PBX3: variants seen among roughly 807,000 people sequenced by gnomAD.
PBX3 encodes the protein PBX homeobox 3, also known as pre-B-cell leukemia transcription factor 3.
Under a neutral mutation model 48.5 loss-of-function variants are expected in PBX3, and 14 were observed. The observed-to-expected ratio is 0.29, with a 90% CI of 0.19 to 0.45. The LOEUF (loss-of-function observed/expected upper bound fraction) is 0.45, where lower values mean the gene tolerates loss of function less well. Ranked by LOEUF, PBX3 falls within the 20% of genes least tolerant of loss-of-function variation. The probability of loss-of-function intolerance (pLI) is 1.00; values close to 1 mark genes in which losing one functional copy is unlikely to be tolerated. For synonymous variants in PBX3, 210 were observed against 200.3 expected (o/e 1.05, Z -0.41); for missense variants, 386 against 546.7 (o/e 0.71, Z 2.93).
intron 2 of PBX3, among the ~76,000 whole-genome samples, chr9:125,778,063 C>T (rs1413656625): frequency 3.3e-5 from 5 of 150,734 alleles, no homozygotes; most frequent in Admixed American, 1.3e-4. Flanking sequence ...CAGGTTAAAG[C>T]GATTCTCCTG....
intron 2 of PBX3, among the ~76,000 whole-genome samples, chr9:125,865,539 T>C (rs1340150029): frequency 2.6e-5 from 4 of 152,224 alleles, no homozygotes; most frequent in Admixed American, 6.5e-5. Context: ...ATTATTACTA[T>C]GTTTTAACAG....
intron 2 of PBX3, among the ~76,000 whole-genome samples, chr9:125,872,489 T>C (rs1840148050): frequency 6.6e-6 from 1 of 152,140 alleles, no homozygotes; most frequent in African/African-American, 2.4e-5. Flanking sequence ...TAAAGTAAAC[T>C]TGAAAGTGAA....
chr9:125,959,636 C>A (rs1262468542), intron 5 of PBX3, among the ~76,000 whole-genome samples: 3 of 152,228 alleles, frequency 2.0e-5, no homozygotes, highest in Non-Finnish European at 4.4e-5. Flanking sequence ...CTACTCCTTA[C>A]GTCTCTTCAG....
intron 2 of PBX3, among the ~76,000 whole-genome samples, chr9:125,785,778 G>C (rs1184780560): frequency 6.6e-6 from 1 of 152,148 alleles, no homozygotes; most frequent in Non-Finnish European, 1.5e-5. Flanking sequence ...CATAGTTCTT[G>C]AGAATAAGAT....
intron 2 of PBX3, among the ~76,000 whole-genome samples, chr9:125,840,598 G>T (rs551858557): frequency 6.6e-6 from 1 of 151,038 alleles, no homozygotes; most frequent in African/African-American, 2.4e-5. Flanking sequence ...TTAACTCCTC[G>T]ATCTCCTTGG....
At chr9:125,812,240 T>C (rs117309613) in intron 2 of PBX3, among the ~76,000 whole-genome samples, 4 of 152,266 alleles carry the variant, frequency 2.6e-5, no homozygotes, top group Admixed American at 6.5e-5. Flanking sequence ...CCTCTAAATA[T>C]CATATTGGGA....
intron 2 of PBX3, chr9:125,748,987 C>G (rs752883043): frequency 5.1e-6 from 1 of 194,362 alleles, no homozygotes; most frequent in African/African-American, 2.3e-5. Flanking sequence ...AGGACCGAGT[C>G]CCCGGGAGAA....
chr9:125,870,131 C>T (rs970626737), intron 2 of PBX3, among the ~76,000 whole-genome samples: 1 of 150,580 alleles, frequency 6.6e-6, no homozygotes, highest in Admixed American at 6.6e-5. Context: ...GACAGTAGCA[C>T]GATCTCAGCT....
intron 1 of PBX3, chr9:125,748,224 C>T (rs1438048123): frequency 2.0e-6 from 2 of 1,015,972 alleles, no homozygotes; most frequent in Non-Finnish European, 1.2e-6. Flanking sequence ...GACGCGGGAG[C>T]CCCTCCGCAC....
intron 2 of PBX3, among the ~76,000 whole-genome samples, chr9:125,784,335 G>A (rs1209292076): frequency 6.6e-6 from 1 of 152,030 alleles, no homozygotes; most frequent in East Asian, 1.9e-4. Context: ...CGCCATGTTG[G>A]CCAGGCTGGT....
intron 8 of PBX3, among the ~76,000 whole-genome samples, chr9:125,965,569 C>T (rs1041000452): frequency 3.3e-5 from 5 of 152,170 alleles, no homozygotes; most frequent in African/African-American, 9.7e-5. Context: ...GATCAAAGGC[C>T]GAGCTCGATG....
chr9:125,878,490 G>A (rs938998508), intron 2 of PBX3, among the ~76,000 whole-genome samples: 6 of 152,178 alleles, frequency 3.9e-5, no homozygotes, highest in Non-Finnish European at 7.3e-5. Flanking sequence ...CCAAAAGAAA[G>A]GCCTAGATAA....
At chr9:125,809,459 G>A (rs1366291903) in intron 2 of PBX3, among the ~76,000 whole-genome samples, 1 of 148,190 alleles carries the variant, frequency 6.7e-6, no homozygotes, top group African/African-American at 2.5e-5. Context: ...ATAATCCTAA[G>A]GCTCCAGGTA....
chr9:125,794,927 C>G (rs905609404), intron 2 of PBX3, among the ~76,000 whole-genome samples: 1 of 152,138 alleles, frequency 6.6e-6, no homozygotes, highest in Admixed American at 6.5e-5. Context: ...CTGAATGAGC[C>G]ATTACGTTTT....
intron 2 of PBX3, among the ~76,000 whole-genome samples, chr9:125,817,284 T>G (rs1482769762): frequency 6.6e-6 from 1 of 152,232 alleles, no homozygotes; most frequent in African/African-American, 2.4e-5. Flanking sequence ...TTCCAATACT[T>G]ATTTATTAGG....
intron 2 of PBX3, among the ~76,000 whole-genome samples, chr9:125,779,172 T>C (rs1837164497): frequency 6.8e-6 from 1 of 147,846 alleles, no homozygotes; most frequent in African/African-American, 2.5e-5. Context: ...TGTCCTTTTG[T>C]GTCTGGCTTA....
At chr9:125,904,551 T>C (rs1250278412) in intron 2 of PBX3, among the ~76,000 whole-genome samples, 2 of 151,876 alleles carry the variant, frequency 1.3e-5, no homozygotes, top group Non-Finnish European at 2.9e-5. Context: ...GATTCACAGT[T>C]AGCAGGCTTT....
chr9:125,860,235 G>A (rs1394673783), intron 2 of PBX3, among the ~76,000 whole-genome samples: 1 of 152,142 alleles, frequency 6.6e-6, no homozygotes, highest in Non-Finnish European at 1.5e-5. Context: ...GTTTTATCTG[G>A]TCAGCATTTA....
intron 5 of PBX3, among the ~76,000 whole-genome samples, chr9:125,937,075 T>C (rs1588315742): frequency 2.0e-5 from 3 of 150,240 alleles, no homozygotes; most frequent in South Asian, 4.2e-4. Flanking sequence ...ATTTGAATGT[T>C]TGTGGATGAG....
Sources: gnomAD v4.1 joint callset for allele counts (sites outside exome capture counted in the v4.1 genomes callset) on GRCh38, gnomAD v4.1.1 for gene constraint, MANE v1.5 for transcripts, NCBI Gene and HGNC (gene_info 2026-07-23, HGNC 2026-07-21) for gene names.